SLC25A13: variants seen among roughly 807,000 people sequenced by gnomAD.
SLC25A13 encodes the protein solute carrier family 25 member 13.
A neutral mutation model predicts 85.5 loss-of-function variants in SLC25A13; 70 were observed. That is an observed-to-expected ratio of 0.82 (90% confidence interval 0.68 to 1.00). The LOEUF (loss-of-function observed/expected upper bound fraction) is 1.00, where lower values mean the gene tolerates loss of function less well. Ranked by LOEUF, SLC25A13 falls within the 50% of genes least tolerant of loss-of-function variation. The pLI, the probability that SLC25A13 is intolerant of heterozygous loss-of-function variation, is 0.00. For missense variants in SLC25A13, 765 were observed against 819.8 expected, an observed-to-expected ratio of 0.93 and a Z score of 0.82; for synonymous variants, 259 against 288.7, an observed-to-expected ratio of 0.90 and a Z score of 1.04.
chr7:96,293,039 G>A (rs1799188624), intron 2 of SLC25A13, among the ~76,000 whole-genome samples: 1 of 152,158 alleles, frequency 6.6e-6, no homozygotes, highest in South Asian at 2.1e-4. Context: ...ATACTACAAA[G>A]CTACAGTAAC....
chr7:96,184,197 AT>A, intron 11 of SLC25A13, 79 bp downstream of exon 11: 1 of 1,528,244 alleles, frequency 6.5e-7, no homozygotes, highest in Non-Finnish European at 9.1e-7. Context: ...AGTCTTGCTA[AT>A]TCATGTCAGG....
At chr7:96,306,706 T>A in intron 1 of SLC25A13, 1 of 903,990 alleles carries the variant, frequency 1.1e-6, no homozygotes, top group Non-Finnish European at 1.7e-6. Context: ...ACGGTGAGCT[T>A]AGTCCCATCC....
chr7:96,160,680 T>C (rs1793474144), intron 13 of SLC25A13, among the ~76,000 whole-genome samples: 1 of 152,220 alleles, frequency 6.6e-6, no homozygotes, highest in South Asian at 2.1e-4. Context: ...CCCACTCTTC[T>C]AATACCACCA....
intron 10 of SLC25A13, 90 bp downstream of exon 10, chr7:96,184,837 A>T (rs1584423578): frequency 5.4e-6 from 6 of 1,118,452 alleles, no homozygotes; most frequent in Non-Finnish European, 8.2e-6. Context: ...ACTAGAGAAG[A>T]CTTTGTCCTT....
At chr7:96,153,535 A>T (rs1337739622) in intron 13 of SLC25A13, among the ~76,000 whole-genome samples, 1 of 152,252 alleles carries the variant, frequency 6.6e-6, no homozygotes, top group Non-Finnish European at 1.5e-5. Context: ...ACTGGGCTGC[A>T]TACCTGCACC....
rs1481354507 is a variant in SLC25A13 at position 96,201,307 on chromosome 7, C to G, written c.468+7531G>C. The stretch of plus-strand genomic sequence containing the variant: ...AGTGGATTGCTTGAGGTCAGGAGTT[C>G]AAGACCAGTCTGACCAACATGGTGA... On this transcript the variant is annotated intron_variant, in intron 5 of 17. Coordinates refer to ENST00000265631, the MANE Select transcript of SLC25A13 (RefSeq NM_014251.3). Among the ~76,000 whole-genome samples the G allele has an allele frequency of 4.6e-5, 7 of 152,002 alleles. No individual in the cohort carries two copies. In the East Asian group the frequency reaches 1.4e-3, roughly 29 times the overall value.
At chr7:96,197,870 A>G (rs1369931297) in intron 5 of SLC25A13, among the ~76,000 whole-genome samples, 2 of 152,190 alleles carry the variant, frequency 1.3e-5, no homozygotes, top group Non-Finnish European at 2.9e-5. Flanking sequence ...AGTAAAAAAA[A>G]TATTAGGCTG....
At chr7:96,164,035 G>A (rs1013682977) in intron 13 of SLC25A13, among the ~76,000 whole-genome samples, 1 of 152,144 alleles carries the variant, frequency 6.6e-6, no homozygotes, top group African/African-American at 2.4e-5. Flanking sequence ...AGGTAACTGT[G>A]GTGCATTAAA....
chr7:96,156,498 C>A (rs1400481376), intron 13 of SLC25A13, among the ~76,000 whole-genome samples: 1 of 151,824 alleles, frequency 6.6e-6, no homozygotes, highest in Non-Finnish European at 1.5e-5. Context: ...GTCGCCCAGG[C>A]TGGAGTGCAG....
chr7:96,237,379 G>A (rs1203835999), intron 3 of SLC25A13, among the ~76,000 whole-genome samples: 1 of 152,220 alleles, frequency 6.6e-6, no homozygotes, highest in Non-Finnish European at 1.5e-5. Flanking sequence ...TGGATGTGCT[G>A]TATTTGGAGA....
chr7:96,125,811 A>C (rs1396503993), intron 15 of SLC25A13, among the ~76,000 whole-genome samples: 1 of 149,700 alleles, frequency 6.7e-6, no homozygotes, highest in African/African-American at 2.5e-5. Context: ...CTTTGATCAT[A>C]TCCATTATAT....
At chr7:96,129,726 T>C (rs10258885) in intron 15 of SLC25A13, among the ~76,000 whole-genome samples, 58,933 of 152,002 alleles carry the variant, frequency 0.39, 11,582 homozygotes, top group East Asian at 0.6. Flanking sequence ...GGTAAGACTA[T>C]TCTTATCTCC....
At chr7:96,145,169 T>C (rs546297074) in intron 14 of SLC25A13, among the ~76,000 whole-genome samples, 3 of 152,308 alleles carry the variant, frequency 2.0e-5, no homozygotes, top group African/African-American at 7.2e-5. Flanking sequence ...AGCAGGTTTA[T>C]TCCTAAGTAC....
intron 3 of SLC25A13, among the ~76,000 whole-genome samples, chr7:96,272,558 G>A (rs1798284337): frequency 1.3e-5 from 2 of 152,142 alleles, no homozygotes; most frequent in African/African-American, 4.8e-5. Context: ...TCAAAGGCAG[G>A]AACGGTCCAA....
At chr7:96,243,502 T>TA (rs779328491) in intron 3 of SLC25A13, among the ~76,000 whole-genome samples, 8 of 152,186 alleles carry the variant, frequency 5.3e-5, no homozygotes, top group Non-Finnish European at 1.0e-4. Flanking sequence ...CAGCCCCAGA[T>TA]ACTCTATTTC....
In SLC25A13 at chr7:96,181,857, G is replaced by A. The variant is rs115806715; in HGVS notation, c.1177+2420C>T. Among the ~76,000 whole-genome samples, 410 of 152,154 alleles carry A rather than the reference G, an allele frequency of 2.7e-3. 1 individual carries two copies. Among genetic ancestry groups the A allele is most frequent in the African/African-American group, 9.5e-3 (395 of 41,512 alleles). On this transcript the variant is annotated intron_variant, in intron 11 of 17. Coordinates refer to ENST00000265631, the MANE Select transcript of SLC25A13 (RefSeq NM_014251.3). ...AATACTATATTTTCCTAATTTAAAC[G>A]TAACAGTTTTCCTCTGGAATAATAT...
At chr7:96,294,839 T>C (rs1310153760) in intron 2 of SLC25A13, among the ~76,000 whole-genome samples, 2 of 152,128 alleles carry the variant, frequency 1.3e-5, no homozygotes, top group African/African-American at 4.8e-5. Flanking sequence ...TGATTTTTTA[T>C]GTATAATCTA....
At chr7:96,218,428 T>C (rs1795979724) in intron 4 of SLC25A13, among the ~76,000 whole-genome samples, 1 of 152,164 alleles carries the variant, frequency 6.6e-6, no homozygotes, top group Admixed American at 6.5e-5. Context: ...GCACATGCCA[T>C]TAAGTGGTTA....
intron 3 of SLC25A13, among the ~76,000 whole-genome samples, chr7:96,238,102 T>C (rs886777824): frequency 6.6e-6 from 1 of 152,172 alleles, no homozygotes; most frequent in Non-Finnish European, 1.5e-5. Context: ...CTAGTTAAGA[T>C]GAGATCATAG....
Sources: gnomAD v4.1 joint callset for allele counts (sites outside exome capture counted in the v4.1 genomes callset) on GRCh38, gnomAD v4.1.1 for gene constraint, MANE v1.5 for transcripts, NCBI Gene and HGNC (gene_info 2026-07-23, HGNC 2026-07-21) for gene names.